The following RPL29 variants were observed in gnomAD, a reference collection of about 807,000 sequenced individuals.
RPL29 encodes the protein large ribosomal subunit protein eL29.
RPL29 carries 4 observed loss-of-function variants against 7.2 expected under a neutral mutation model. The observed-to-expected ratio is 0.55, with a 90% CI of 0.27 to 1.26. The LOEUF is 1.26. RPL29 is among the 50% of genes most tolerant of loss of function. The probability of loss-of-function intolerance (pLI) is 0.11; values close to 1 mark genes in which losing one functional copy is unlikely to be tolerated. For missense variants in RPL29, 148 were observed against 209.1 expected (o/e 0.71, Z 1.80); for synonymous variants, 73 against 72.8 (o/e 1.00, Z -0.01).
chr3:51,994,999 T>C (rs755072539), intron 3 of RPL29, 43 bp downstream of exon 3: 4 of 1,560,310 alleles, frequency 2.6e-6, no homozygotes, highest in South Asian at 1.1e-5. Flanking sequence ...ACTGTGCACC[T>C]GGAACCAAGA....
chr3:51,995,495 G>A (rs778256451), intron 1 of RPL29, 26 bp from the exon 2 acceptor site: 1 of 1,612,646 alleles, frequency 6.2e-7, no homozygotes, highest in Non-Finnish European at 8.5e-7. Context: ...GGAGATCAGG[G>A]TTAAGGGCTC....
chr3:51,995,526 C>T, intron 1 of RPL29, 57 bp from the exon 2 acceptor site: 3 of 1,511,194 alleles, frequency 2.0e-6, no homozygotes, highest in Non-Finnish European at 2.8e-6. Flanking sequence ...GCCACCTCTG[C>T]CCCCCCCATT....
chr3:51,994,843 G>A (rs975734703), intron 3 of RPL29, 199 bp downstream of exon 3: 1 of 723,504 alleles, frequency 1.4e-6, no homozygotes, highest in African/African-American at 1.7e-5. Context: ...CCTGACCAGA[G>A]GGTTACACTT....
chr3:51,995,528 C>G, intron 1 of RPL29, 59 bp from the exon 2 acceptor site: 6 of 1,531,512 alleles, frequency 3.9e-6, no homozygotes, highest in South Asian at 1.1e-5. Context: ...CACCTCTGCC[C>G]CCCCCATTCT....
Position 51,993,745 on chromosome 3 carries a change from A to C in RPL29, c.*4T>G, listed in dbSNP as rs769577169. 117 of 1,579,638 alleles carry C rather than the reference A, an allele frequency of 7.4e-5. No individual in the cohort carries two copies. Among genetic ancestry groups the C allele is most frequent in the Non-Finnish European group, 9.7e-5 (113 of 1,169,750 alleles). On this transcript the variant is annotated 3_prime_UTR_variant, in exon 4 of 4. Coordinates refer to ENST00000294189, the MANE Select transcript of RPL29 (RefSeq NM_000992.3). ...TCCTTCTGTCCTCATGTTGGCAGAG[A>C]TATCTACTCTGAAGCCTTTGTAGGG...
intron 3 of RPL29, 92 bp from the exon 4 acceptor site, chr3:51,994,218 A>C: frequency 6.9e-7 from 1 of 1,449,806 alleles, no homozygotes; most frequent in Non-Finnish European, 9.1e-7. Flanking sequence ...CATTCTAAAG[A>C]CAGCATCAAG....
chr3:51,995,491 C>G (rs973584761), intron 1 of RPL29, 22 bp from the exon 2 acceptor site: 55 of 1,613,130 alleles, frequency 3.4e-5, no homozygotes, highest in Non-Finnish European at 4.3e-5. Flanking sequence ...AAGTGGAGAT[C>G]AGGGTTAAGG....
At chr3:51,995,330 C>G in intron 2 of RPL29, 95 bp downstream of exon 2, 2 of 1,359,608 alleles carry the variant, frequency 1.5e-6, no homozygotes, top group South Asian at 2.3e-5. Context: ...CAGCCTCAGG[C>G]CCACAATGGA....
In RPL29 at chr3:51,993,602, C is replaced by T. The variant is rs190573261; in HGVS notation, c.*147G>A. 765 of 863,836 alleles carry T rather than the reference C, an allele frequency of 8.9e-4. 4 individuals carry two copies. The African/African-American group carries it at 0.011, about 12-fold the overall frequency. 53.5% of individuals were successfully genotyped at this position (863,836 alleles called of 1,614,324 possible). A position where few individuals can be genotyped will look rare whatever the true frequency, so the allele number is the denominator to read the frequency against. ...CAGATGGAGCAACCAAACCCATCCC[C>T]AGGATCATAGACAGAGGCTAACAAA... On this transcript the variant is annotated 3_prime_UTR_variant, in exon 4 of 4. Transcript: ENST00000294189.
Position 51,993,719 on chromosome 3 carries a change from G to A in RPL29, c.*30C>T, listed in dbSNP as rs1406717176. 3 of 1,549,132 alleles carry A rather than the reference G, an allele frequency of 1.9e-6. No homozygotes were observed. The highest frequency in any genetic ancestry group is 2.3e-5 in the East Asian group (1 of 44,320). On this transcript the variant is annotated 3_prime_UTR_variant, in exon 4 of 4. Transcript: ENST00000294189. ...GGGGCGGGGGTGGGGGGTCGCACCA[G>A]TCCTTCTGTCCTCATGTTGGCAGAG...
chr3:51,993,604 G>A lies in RPL29; in HGVS notation c.*145C>T, dbSNP rs1701274269. ...GATGGAGCAACCAAACCCATCCCCAGGATCATAGACAGAGGCTAACAAATC... is the reference window on the plus strand; with the variant it reads ...GATGGAGCAACCAAACCCATCCCCAAGATCATAGACAGAGGCTAACAAATC... On this transcript the variant is annotated 3_prime_UTR_variant, in exon 4 of 4. Coordinates refer to ENST00000294189, the MANE Select transcript of RPL29 (RefSeq NM_000992.3). 2.3e-6 allele frequency: 2 copies of A among 875,922 alleles called. No homozygotes were observed. The highest frequency in any genetic ancestry group is 1.7e-6 in the Non-Finnish European group (1 of 575,260). 54.3% of individuals were successfully genotyped at this position (875,922 alleles called of 1,614,324 possible).
At chr3:51,994,603 G>A in intron 3 of RPL29, 1 of 473,060 alleles carries the variant, frequency 2.1e-6, no homozygotes, top group Non-Finnish European at 3.8e-6. Flanking sequence ...ACAGACTGGG[G>A]ACATGCTCAG....
In RPL29 at chr3:51,993,725, C is replaced by T. The variant is rs909078927; in HGVS notation, c.*24G>A. 1.3e-6 allele frequency: 2 copies of T among 1,559,166 alleles called. No homozygotes were observed. Among genetic ancestry groups the T allele is most frequent in the Non-Finnish European group, 8.6e-7 (1 of 1,158,244 alleles). The stretch of plus-strand genomic sequence containing the variant: ...GGGGTGGGGGGTCGCACCAGTCCTT[C>T]TGTCCTCATGTTGGCAGAGATATCT... On this transcript the variant is annotated 3_prime_UTR_variant, in exon 4 of 4. Coordinates refer to ENST00000294189, the MANE Select transcript of RPL29 (RefSeq NM_000992.3).
rs1701301939 is a variant in RPL29, at chr3:51,995,467, C to T, written c.-6G>A. On this transcript the variant is annotated splice_region_variant and 5_prime_UTR_variant, in exon 2 of 4. Transcript: ENST00000294189. ...TGGTTCTTGGACTTGGCCATGTCTG[C>T]ACCTGGAAGACAAAAGTGGAGATCA... The T allele has an allele frequency of 6.2e-7, 1 of 1,613,990 alleles. No homozygotes were observed. The highest frequency in any genetic ancestry group is 8.5e-7 in the Non-Finnish European group (1 of 1,180,020).
chr3:51,995,402 T>G, intron 2 of RPL29, 23 bp downstream of exon 2: 4 of 1,614,014 alleles, frequency 2.5e-6, no homozygotes, highest in Non-Finnish European at 3.4e-6. Flanking sequence ...GTCTGGGATG[T>G]AGGCAGGGCC....
chr3:51,994,932 G>C (rs1701295097), intron 3 of RPL29, 110 bp downstream of exon 3: 2 of 967,364 alleles, frequency 2.1e-6, no homozygotes, highest in Non-Finnish European at 3.4e-6. Flanking sequence ...GGGTGGGCCA[G>C]TTAGGCTGTG....
At chr3:51,994,666 C>T in intron 3 of RPL29, 1 of 582,328 alleles carries the variant, frequency 1.7e-6, no homozygotes, top group African/African-American at 1.9e-5. Context: ...CCCCCTGACA[C>T]AGGAAGAGAA....
rs769488393 is a variant in RPL29 at position 51,993,820 on chromosome 3, C to G, written c.409G>C (p.Ala137Pro). 4.4e-6 allele frequency: 7 copies of G among 1,593,060 alleles called. No individual in the cohort carries two copies. Among genetic ancestry groups the G allele is most frequent in the Non-Finnish European group, 4.2e-6 (5 of 1,177,762 alleles). ...GCTGGAACTGAAGCTGGGGCTGCAG[C>G]CTGGGCCTTGGTTTGATCCTTGGCC... ...AKAKDQTKAQ[A>P]AAPASVPAQA... The change falls in exon 4 of 4, where the codon GCT (alanine) becomes CCT (proline). Residue 137 changes from alanine to proline, a missense_variant. Ala to Pro is a conservative substitution (Grantham distance 27). Coordinates refer to ENST00000294189, the MANE Select transcript of RPL29 (RefSeq NM_000992.3).
chr3:51,995,644 C>T, intron 1 of RPL29, 175 bp from the exon 2 acceptor site: 1 of 632,400 alleles, frequency 1.6e-6, no homozygotes, highest in East Asian at 2.7e-5. Flanking sequence ...GTAATGATGC[C>T]CTGAAATCAA....
Sources: allele counts gnomAD v4.1 joint callset, GRCh38; gene constraint gnomAD v4.1.1; transcripts MANE v1.5; gene names NCBI Gene and HGNC (gene_info 2026-07-23, HGNC 2026-07-21).